The following KIF1A variants were observed in gnomAD, a reference collection of about 807,000 sequenced individuals.
KIF1A encodes kinesin-like protein KIF1A.
A neutral mutation model predicts 227.3 loss-of-function variants in KIF1A; 46 were observed. The observed-to-expected ratio is 0.20, with a 90% CI of 0.16 to 0.26. The LOEUF (loss-of-function observed/expected upper bound fraction) is 0.26, where lower values mean the gene tolerates loss of function less well. Ranked by LOEUF, KIF1A falls within the 10% of genes least tolerant of loss-of-function variation. The probability of loss-of-function intolerance (pLI) is 1.00; values close to 1 mark genes in which losing one functional copy is unlikely to be tolerated. For synonymous variants in KIF1A, 1,022 were observed against 1,012.8 expected (o/e 1.01, Z -0.17); for missense variants, 1,683 against 2,485.9 (o/e 0.68, Z 6.87).
chr2:240,741,845 C>T (rs2048008480), intron 34 of KIF1A, among the ~76,000 whole-genome samples: 2 of 152,208 alleles, frequency 1.3e-5, no homozygotes, highest in South Asian at 2.1e-4. Flanking sequence ...AGGACCTGTC[C>T]CTCAGCTCCC....
intron 38 of KIF1A, among the ~76,000 whole-genome samples, chr2:240,732,381 C>T (rs151091060): frequency 3.4e-5 from 3 of 89,102 alleles, no homozygotes; most frequent in African/African-American, 9.3e-5. Context: ...GGAAGAGGGG[C>T]GGAGGGAATG....
intron 27 of KIF1A, among the ~76,000 whole-genome samples, chr2:240,756,308 T>A (rs1045647862): frequency 2.0e-5 from 3 of 152,236 alleles, no homozygotes; most frequent in African/African-American, 7.2e-5. Context: ...GACATTCATA[T>A]ATGTAAAATA....
chr2:240,815,329 G>C (rs577273467), intron 1 of KIF1A, among the ~76,000 whole-genome samples: 1 of 152,312 alleles, frequency 6.6e-6, no homozygotes, highest in East Asian at 1.9e-4. Context: ...TTTCTGGCAG[G>C]GCTGAGGTGG....
chr2:240,780,281 C>T (rs994719279), intron 10 of KIF1A, among the ~76,000 whole-genome samples: 7 of 152,044 alleles, frequency 4.6e-5, no homozygotes, highest in Admixed American at 6.5e-5. Flanking sequence ...ACGATTCCCA[C>T]GCGGCCCCAC....
intron 20 of KIF1A, among the ~76,000 whole-genome samples, chr2:240,764,402 G>A (rs1037423452): frequency 2.6e-5 from 4 of 152,148 alleles, no homozygotes; most frequent in Admixed American, 6.5e-5. Flanking sequence ...ACCAGCTGTC[G>A]CCCAGGCTTA....
chr2:240,720,351 G>A (rs1294217141), intron 45 of KIF1A: 19 of 163,728 alleles, frequency 1.2e-4, no homozygotes, highest in East Asian at 8.9e-4. Context: ...CCCCACATGG[G>A]CCAGGCCCCA....
At chr2:240,770,911 C>T in intron 15 of KIF1A, 60 bp downstream of exon 15, 1 of 1,587,274 alleles carries the variant, frequency 6.3e-7, no homozygotes, top group Non-Finnish European at 8.5e-7. Context: ...GCCTCTCTAA[C>T]TCCTCCGAGC....
intron 34 of KIF1A, 115 bp downstream of exon 34, chr2:240,742,813 TG>T: frequency 1.0e-6 from 1 of 955,288 alleles, no homozygotes; most frequent in Non-Finnish European, 1.6e-6. Flanking sequence ...CCAGAGTGCC[TG>T]GGAGGGCACA....
At chr2:240,735,393 G>T (rs1030007709) in intron 38 of KIF1A, among the ~76,000 whole-genome samples, 1 of 152,136 alleles carries the variant, frequency 6.6e-6, no homozygotes, top group Non-Finnish European at 1.5e-5. Context: ...GCCATGAGCC[G>T]CTCCCTCCTA....
In KIF1A at chr2:240,726,807, C is replaced by T; in HGVS notation, c.4122+19G>A. The stretch of plus-strand genomic sequence containing the variant: ...GGGCTGAGTGGTTTTGGTGGAGTGC[C>T]CTGGCATAGGTGCCTTGCCTCGATA... On this transcript the variant is annotated intron_variant, in intron 39 of 48. Transcript: ENST00000498729. The surrounding 1 kb of genome is among the most constrained non-coding windows in gnomAD (Gnocchi z 5.2). The T allele has an allele frequency of 1.3e-6, 2 of 1,506,678 alleles. No individual in the cohort carries two copies. The highest frequency in any genetic ancestry group is 1.8e-6 in the Non-Finnish European group (2 of 1,089,496). The allele number at this position is 1,506,678 out of a possible 1,614,324, so 93.3% of individuals were successfully genotyped here.
At chr2:240,787,793 G>A (rs967946942) in intron 4 of KIF1A, among the ~76,000 whole-genome samples, 1 of 152,190 alleles carries the variant, frequency 6.6e-6, no homozygotes, top group Non-Finnish European at 1.5e-5. Flanking sequence ...TCTCCCAGCT[G>A]CTGTGTCTTA....
chr2:240,750,357 G>T, intron 28 of KIF1A, 72 bp downstream of exon 28: 2 of 1,139,034 alleles, frequency 1.8e-6, no homozygotes, highest in Non-Finnish European at 2.6e-6. Flanking sequence ...TTGGGCCCAC[G>T]CCTCTGCCTG....
In KIF1A at chr2:240,773,485, C is replaced by A. The variant is rs61273688; in HGVS notation, c.1038-229G>T. On this transcript the variant is annotated intron_variant, in intron 12 of 48. Transcript: ENST00000498729. ...CAGAGAAGACTTACAAGGGAGGTCA[C>A]CCAGTTCCCGCTCGCCCACTTGGGG... Among the ~76,000 whole-genome samples the A allele has an allele frequency of 0.087, 13,258 of 152,194 alleles. 845 individuals carry two copies. The highest frequency in any genetic ancestry group is 0.17 in the East Asian group (857 of 5,156).
At chr2:240,783,624 A>AG in intron 8 of KIF1A, 115 bp downstream of exon 8, 2 of 730,968 alleles carry the variant, frequency 2.7e-6, no homozygotes, top group Non-Finnish European at 4.5e-6. Flanking sequence ...CTCCCTATGC[A>AG]GGCTCACCCT....
rs886055838 is a variant in KIF1A, at chr2:240,797,807, G to A, written c.-55C>T. The A allele has an allele frequency of 3.1e-4, 336 of 1,077,828 alleles. No homozygotes were observed. Among genetic ancestry groups the A allele is most frequent in the Non-Finnish European group, 4.3e-4 (315 of 725,998 alleles). 66.8% of individuals were successfully genotyped at this position (1,077,828 alleles called of 1,614,324 possible). On this transcript the variant is annotated 5_prime_UTR_variant, in exon 2 of 49. Coordinates refer to ENST00000498729, the MANE Select transcript of KIF1A (RefSeq NM_001244008.2). ...AGTAGTGGGAGCCCCAGTGTGGGGG[G>A]AACACCTTGGAAAAAAGGGAAACAT... is the stretch of plus-strand genomic sequence containing the variant.
chr2:240,787,640 A>C (rs966562552), intron 4 of KIF1A, among the ~76,000 whole-genome samples: 5 of 152,190 alleles, frequency 3.3e-5, no homozygotes, highest in African/African-American at 1.2e-4. Context: ...AGACCTGCCC[A>C]GGGGAATGGC....
intron 38 of KIF1A, among the ~76,000 whole-genome samples, chr2:240,727,205 C>T (rs958653170): frequency 4.6e-5 from 7 of 151,986 alleles, no homozygotes; most frequent in Non-Finnish European, 7.3e-5. Context: ...CCAGCTGTCA[C>T]GCTGAGGCTG....
intron 1 of KIF1A, among the ~76,000 whole-genome samples, chr2:240,807,076 ATATG>A (rs1415985408): frequency 3.3e-4 from 24 of 73,214 alleles, no homozygotes; most frequent in African/African-American, 1.3e-3. Context: ...ATCCTCATAT[ATATG>A]TGTGTGTGTG....
In KIF1A at chr2:240,766,743, T is replaced by TCACA. The variant is rs780626531; in HGVS notation, c.1684+171_1684+172insTGTG. Among the ~76,000 whole-genome samples, 1,096 of 125,434 alleles carry TCACA rather than the reference T, an allele frequency of 8.7e-3. 10 individuals carry two copies. Among genetic ancestry groups the TCACA allele is most frequent in the East Asian group, 0.024 (85 of 3,508 alleles). 82.3% of individuals were successfully genotyped at this position (125,434 alleles called of 152,430 possible). A position where few individuals can be genotyped will look rare whatever the true frequency, so the allele number is the denominator to read the frequency against. ...CCAAATCTCTCTCTCTCTCTCTCTCTCTCTCTCACACACACACACACACAC... is the reference window on the plus strand; with the variant it reads ...CCAAATCTCTCTCTCTCTCTCTCTCTCACACTCTCTCACACACACACACACACAC... On this transcript the variant is annotated intron_variant, in intron 19 of 48. Transcript: ENST00000498729. The surrounding 1 kb of genome is among the most constrained non-coding windows in gnomAD (Gnocchi z 5.0).
Sources: allele counts gnomAD v4.1 joint callset (sites outside exome capture counted in the v4.1 genomes callset), GRCh38; gene constraint gnomAD v4.1.1; non-coding constraint Gnocchi (gnomAD v3.1); transcripts MANE v1.5; gene names NCBI Gene and HGNC (gene_info 2026-07-23, HGNC 2026-07-21).